The following HNRNPC variants were observed in gnomAD, a reference collection of about 807,000 sequenced individuals.
The protein encoded by HNRNPC is heterogeneous nuclear ribonucleoprotein C, also known as heterogeneous nuclear ribonucleoproteins C1/C2.
Under a neutral mutation model 33.2 loss-of-function variants are expected in HNRNPC, and 3 were observed. That is an observed-to-expected ratio of 0.09 (90% CI 0.04 to 0.23). HNRNPC has a LOEUF of 0.23. HNRNPC is among the 10% of genes least tolerant of loss of function. HNRNPC has a pLI of 1.00. For missense variants in HNRNPC, 143 were observed against 366.7 expected, an observed-to-expected ratio of 0.39 and a Z score of 4.98; for synonymous variants, 121 against 126.7, an observed-to-expected ratio of 0.96 and a Z score of 0.30.
At chr14:21,254,922 CA>C (rs11451334) in intron 2 of HNRNPC, among the ~76,000 whole-genome samples, 14 of 102,216 alleles carry the variant, frequency 1.4e-4, no homozygotes, top group East Asian at 6.5e-4. Flanking sequence ...ACTCTAGTCT[CA>C]AAAAAAAAAC....
At chr14:21,251,334 C>T (rs1245332640) in intron 2 of HNRNPC, among the ~76,000 whole-genome samples, 1 of 150,260 alleles carries the variant, frequency 6.7e-6, no homozygotes, top group East Asian at 2.0e-4. Flanking sequence ...TATCAGTGAC[C>T]TCAGACTGAG....
intron 1 of HNRNPC, among the ~76,000 whole-genome samples, chr14:21,267,275 C>T (rs974003335): frequency 6.6e-6 from 1 of 152,080 alleles, no homozygotes; most frequent in Non-Finnish European, 1.5e-5. Context: ...TCTATTTCTC[C>T]TAACTCCTAG....
chr14:21,232,712 T>C (rs1894248783), intron 3 of HNRNPC, among the ~76,000 whole-genome samples: 1 of 152,130 alleles, frequency 6.6e-6, no homozygotes, highest in South Asian at 2.1e-4. Context: ...TCCCTTTTTA[T>C]ACAAAAGCAG....
intron 2 of HNRNPC, among the ~76,000 whole-genome samples, chr14:21,234,522 G>A (rs1052777871): frequency 1.3e-5 from 2 of 152,040 alleles, no homozygotes; most frequent in Non-Finnish European, 2.9e-5. Context: ...AATTTCCTTG[G>A]ACATAATTCC....
At chr14:21,252,532 C>T (rs1896788025) in intron 2 of HNRNPC, among the ~76,000 whole-genome samples, 1 of 152,136 alleles carries the variant, frequency 6.6e-6, no homozygotes, top group East Asian at 1.9e-4. Context: ...AGGCTGGTCT[C>T]GAACTCCTGG....
rs577065156 is a variant in HNRNPC at position 21,245,482 on chromosome 14, C to T, written c.-36-11253G>A. Among the ~76,000 whole-genome samples, 6 of 150,732 alleles carry T rather than the reference C, an allele frequency of 4.0e-5. No homozygotes were observed. The South Asian group carries it at 8.4e-4, about 21-fold the overall frequency. ...ACTGCACTCCAGCCTGGCAACAAAG[C>T]GAGACTGTCGCCAAAAAAAATATAT... On this transcript the variant is annotated intron_variant, in intron 2 of 8. Transcript: ENST00000553300.
intron 5 of HNRNPC, among the ~76,000 whole-genome samples, chr14:21,219,010 T>C (rs1446020754): frequency 1.4e-5 from 2 of 146,364 alleles, no homozygotes; most frequent in African/African-American, 5.1e-5. Context: ...CTTGGGAGGC[T>C]AAGGCAGGAG....
chr14:21,266,790 T>C (rs972314263), intron 1 of HNRNPC, among the ~76,000 whole-genome samples: 1 of 151,614 alleles, frequency 6.6e-6, no homozygotes, highest in East Asian at 1.9e-4. Flanking sequence ...TAATAATAAC[T>C]ACCAATTTAG....
chr14:21,234,495 C>T (rs1382746222), intron 2 of HNRNPC, among the ~76,000 whole-genome samples: 1 of 152,176 alleles, frequency 6.6e-6, no homozygotes, highest in African/African-American at 2.4e-5. Context: ...TTCTCCCTGG[C>T]AGATCATTGG....
chr14:21,215,825 G>C (rs1957415), intron 5 of HNRNPC, among the ~76,000 whole-genome samples: 2,389 of 149,404 alleles, frequency 0.016, 32 homozygotes, highest in Middle Eastern at 0.078. Flanking sequence ...CTTGAATCTG[G>C]AAGGCAGAGG....
At chr14:21,227,621 T>C (rs1893623104) in intron 5 of HNRNPC, among the ~76,000 whole-genome samples, 1 of 152,250 alleles carries the variant, frequency 6.6e-6, no homozygotes, top group Non-Finnish European at 1.5e-5. Context: ...AGGCCACCAA[T>C]TTCTGTGAAG....
intron 2 of HNRNPC, among the ~76,000 whole-genome samples, chr14:21,253,770 T>C (rs553733928): frequency 2.6e-5 from 4 of 151,654 alleles, no homozygotes; most frequent in East Asian, 3.9e-4. Flanking sequence ...ACTTAAGAAC[T>C]TTTTAAAATG....
intron 2 of HNRNPC, among the ~76,000 whole-genome samples, chr14:21,251,712 C>T (rs1276456752): frequency 6.6e-6 from 1 of 152,116 alleles, no homozygotes; most frequent in Non-Finnish European, 1.5e-5. Flanking sequence ...GAAAAATAGT[C>T]TCAGATTTTA....
At chr14:21,217,860 T>C (rs1892360533) in intron 5 of HNRNPC, among the ~76,000 whole-genome samples, 1 of 152,230 alleles carries the variant, frequency 6.6e-6, no homozygotes, top group South Asian at 2.1e-4. Context: ...TGTGTCTTGA[T>C]GGTTTCATTA....
chr14:21,235,870 G>C (rs372866268), intron 2 of HNRNPC, among the ~76,000 whole-genome samples: 44 of 152,174 alleles, frequency 2.9e-4, no homozygotes, highest in African/African-American at 1.0e-3. Context: ...AATTACCAGG[G>C]GTGAGGGGCT....
chr14:21,224,971 T>C (rs936376704), intron 5 of HNRNPC, among the ~76,000 whole-genome samples: 1 of 152,182 alleles, frequency 6.6e-6, no homozygotes, highest in African/African-American at 2.4e-5. Context: ...CAAAATGTGC[T>C]AAGTTTAAAA....
intron 1 of HNRNPC, chr14:21,264,139 CCAA>C (rs1219746010): frequency 1.3e-5 from 2 of 151,952 alleles, no homozygotes; most frequent in African/African-American, 2.4e-5. Context: ...AAAAACCGGG[CCAA>C]CAAATAGAGA....
rs561160778 is a variant in HNRNPC at position 21,249,148 on chromosome 14, T to C, written c.-37+14163A>G. ...TTTGTAATTTTTCCTTCTGCAAAGA[T>C]AGCAAAATGCTACCCTGAAACTTAG... On this transcript the variant is annotated intron_variant, in intron 2 of 8. Coordinates refer to ENST00000553300, the MANE Select transcript of HNRNPC (RefSeq NM_004500.4). Among the ~76,000 whole-genome samples, 254 of 152,326 alleles carry C rather than the reference T, an allele frequency of 1.7e-3. 2 individuals carry two copies. The highest frequency in any genetic ancestry group is 5.8e-3 in the African/African-American group (242 of 41,592).
At chr14:21,219,139 G>A (rs1283894614) in intron 5 of HNRNPC, among the ~76,000 whole-genome samples, 1 of 150,142 alleles carries the variant, frequency 6.7e-6, no homozygotes, top group Non-Finnish European at 1.5e-5. Flanking sequence ...AAAAAGAAAG[G>A]GGAAAAAAAA....
Sources: allele counts gnomAD v4.1 joint callset (sites outside exome capture counted in the v4.1 genomes callset), GRCh38; gene constraint gnomAD v4.1.1; transcripts MANE v1.5; gene names NCBI Gene and HGNC (gene_info 2026-07-23, HGNC 2026-07-21).